Variants in BARD1 observed in about 807,000 individuals in gnomAD.
BARD1 encodes BRCA1 associated RING domain 1.
A neutral mutation model predicts 77.0 loss-of-function variants in BARD1; 73 were observed. The ratio of observed to expected loss-of-function variants is 0.95; its 90% CI spans 0.79 to 1.15. The LOEUF (loss-of-function observed/expected upper bound fraction) is 1.15. Among genes scored for constraint, BARD1 ranks in the 50% most tolerant of loss-of-function variants. The pLI is 0.00. For missense variants in BARD1, 993 were observed against 938.8 expected (o/e 1.06, Z -0.75); for synonymous variants, 384 against 338.0 (o/e 1.14, Z -1.49).
rs1253446062 is a variant in BARD1, at chr2:214,728,036, A to C, written c.*640T>G. ...TACCATGAGCCTAGTGTTGATTTTT[A>C]CCACACACACAAAAAAACCAATGTT... On this transcript the variant is annotated 3_prime_UTR_variant, in exon 11 of 11. Transcript: ENST00000260947. 4.5e-6 allele frequency: 1 copy of C among 224,640 alleles called. No individual in the cohort carries two copies. The highest frequency in any genetic ancestry group is 8.9e-6 in the Non-Finnish European group (1 of 112,808). 13.9% of individuals were successfully genotyped at this position (224,640 alleles called of 1,614,324 possible). A position where few individuals can be genotyped will look rare whatever the true frequency, so the allele number is the denominator to read the frequency against.
chr2:214,749,677 C>A (rs1366636936), intron 7 of BARD1, among the ~76,000 whole-genome samples: 1 of 151,964 alleles, frequency 6.6e-6, no homozygotes, highest in Non-Finnish European at 1.5e-5. Flanking sequence ...ATGAAGAAAA[C>A]AAGTCAATTT....
intron 6 of BARD1, among the ~76,000 whole-genome samples, chr2:214,755,283 T>C (rs1332393900): frequency 7.9e-5 from 12 of 152,184 alleles, no homozygotes; most frequent in Admixed American, 7.9e-4. Flanking sequence ...TACTACATCA[T>C]GGACTCAAAA....
chr2:214,795,224 T>C (rs979302292), intron 2 of BARD1, among the ~76,000 whole-genome samples: 1 of 152,158 alleles, frequency 6.6e-6, no homozygotes, highest in Non-Finnish European at 1.5e-5. Context: ...TCAGCTGATA[T>C]ATAACTGGTA....
rs1692165230 is a variant in BARD1, at chr2:214,728,235, T to A, written c.*441A>T. On this transcript the variant is annotated 3_prime_UTR_variant, in exon 11 of 11. Coordinates refer to ENST00000260947, the MANE Select transcript of BARD1 (RefSeq NM_000465.4). ...GTGGCACATTTAGACCAAATACTCT[T>A]TTTTCAATAAAGCCAAAATAAATTG... 1 of 240,014 alleles carries A rather than the reference T, an allele frequency of 4.2e-6. No individual in the cohort carries two copies. Among genetic ancestry groups the A allele is most frequent in the South Asian group, 1.5e-4 (1 of 6,600 alleles). 14.9% of individuals were successfully genotyped at this position (240,014 alleles called of 1,614,324 possible).
Position 214,809,498 on chromosome 2 carries a change from G to A in BARD1, c.72C>T (p.Pro24=). 6.2e-7 allele frequency: 1 copy of A among 1,606,350 alleles called. No individual in the cohort carries two copies. Among genetic ancestry groups the A allele is most frequent in the Non-Finnish European group, 8.5e-7 (1 of 1,177,708 alleles). ...IRSGNEPRSA[P]AMEPDGRGAW... is the part of the protein sequence containing the mutation. ...CACCGCGACCATCCGGTTCCATGGC[G>A]GGCGCGGAACGAGGCTCGTTCCCGG... Residue 24 remains proline, a synonymous_variant, in exon 1 of 11, where the codon CCC becomes CCT. Coordinates refer to ENST00000260947, the MANE Select transcript of BARD1 (RefSeq NM_000465.4).
rs561989976 is a variant in BARD1, at chr2:214,754,763, C to T, written c.1569-2208G>A. On this transcript the variant is annotated intron_variant, in intron 6 of 10. Coordinates refer to ENST00000260947, the MANE Select transcript of BARD1 (RefSeq NM_000465.4). The stretch of plus-strand genomic sequence containing the variant: ...GGATGGCTTCTGCTCACACACAATT[C>T]ACTAAACTCTTAGCCCTCCTGTAAC... 3.3e-5 allele frequency among the ~76,000 whole-genome samples: 5 copies of T among 152,232 alleles called. 1 individual carries two copies. The highest frequency in any genetic ancestry group is 3.3e-4 in the Admixed American group (5 of 15,276).
rs530494743 is a variant in BARD1 at position 214,752,814 on chromosome 2, A to G, written c.1569-259T>C. On this transcript the variant is annotated intron_variant, in intron 6 of 10. Transcript: ENST00000260947. ...ACAACTGTATTCTGCATTCTTATTC[A>G]TATTAAAATATGGCTTCATAATCAC... 1.5e-3 allele frequency among the ~76,000 whole-genome samples: 222 copies of G among 152,242 alleles called. 1 individual carries two copies. The highest frequency in any genetic ancestry group is 5.2e-3 in the African/African-American group (215 of 41,564).
intron 7 of BARD1, among the ~76,000 whole-genome samples, chr2:214,751,266 T>A (rs1693438882): frequency 1.4e-5 from 2 of 146,188 alleles, no homozygotes; most frequent in South Asian, 4.7e-4. Flanking sequence ...CAATCAATTA[T>A]CGTGCCTCAG....
At chr2:214,744,408 ATT>A (rs1356265281) in intron 9 of BARD1, among the ~76,000 whole-genome samples, 1 of 152,222 alleles carries the variant, frequency 6.6e-6, no homozygotes, top group African/African-American at 2.4e-5. Context: ...AATTGCTTTC[ATT>A]TCACAGACAT....
intron 6 of BARD1, 67 bp downstream of exon 6, chr2:214,767,415 T>G: frequency 2.7e-6 from 4 of 1,507,578 alleles, no homozygotes; most frequent in Non-Finnish European, 3.7e-6. Flanking sequence ...AAAGTCTGCT[T>G]TATCACACAC....
chr2:214,778,755 A>C lies in BARD1; in HGVS notation c.1314+1805T>G, dbSNP rs901454909. 2.0e-5 allele frequency among the ~76,000 whole-genome samples: 3 copies of C among 152,290 alleles called. No homozygotes were observed. The East Asian group carries it at 5.8e-4, about 29-fold the overall frequency. ...GAGATTTCATGGCCTGCAAAGCTGA[A>C]AACATTTACTCTAACTGCACCTTTA... is the stretch of plus-strand genomic sequence containing the variant. On this transcript the variant is annotated intron_variant, in intron 4 of 10. Transcript: ENST00000260947.
chr2:214,749,360 AG>A (rs150282962), intron 7 of BARD1, among the ~76,000 whole-genome samples: 184 of 152,290 alleles, frequency 1.2e-3, no homozygotes, highest in African/African-American at 4.0e-3. Flanking sequence ...CTGCACATTA[AG>A]AAACTACCCT....
chr2:214,784,952 C>T (rs1695203381), intron 3 of BARD1, among the ~76,000 whole-genome samples: 1 of 151,646 alleles, frequency 6.6e-6, no homozygotes, highest in Non-Finnish European at 1.5e-5. Context: ...GTGCAGCAAA[C>T]CACCACGGCA....
intron 4 of BARD1, among the ~76,000 whole-genome samples, chr2:214,771,943 A>AAAAAAAAAAAG (rs59814038): frequency 2.8e-5 from 4 of 143,336 alleles, no homozygotes; most frequent in African/African-American, 8.2e-5. Flanking sequence ...AAAAAAAAAA[A>AAAAAAAAAAAG]GCAACATTTT....
chr2:214,734,874 C>A (rs796107031), intron 9 of BARD1, among the ~76,000 whole-genome samples: 2 of 152,134 alleles, frequency 1.3e-5, no homozygotes, highest in South Asian at 2.1e-4. Context: ...TCCCCAAATC[C>A]AGCAAGAGTA....
chr2:214,765,443 A>G (rs1219850445), intron 6 of BARD1, among the ~76,000 whole-genome samples: 3 of 152,194 alleles, frequency 2.0e-5, no homozygotes, highest in Non-Finnish European at 4.4e-5. Flanking sequence ...GAAATGCAGC[A>G]GGCATCACCC....
chr2:214,737,154 T>C (rs1463574546), intron 9 of BARD1, among the ~76,000 whole-genome samples: 1 of 152,070 alleles, frequency 6.6e-6, no homozygotes, highest in Non-Finnish European at 1.5e-5. Flanking sequence ...ATTACATAAA[T>C]GTGTGAAGAA....
intron 6 of BARD1, among the ~76,000 whole-genome samples, chr2:214,761,980 C>T (rs972306946): frequency 2.6e-5 from 4 of 152,116 alleles, no homozygotes; most frequent in African/African-American, 9.7e-5. Context: ...CAACAGCTCT[C>T]CTATATATCA....
intron 4 of BARD1, 99 bp from the exon 5 acceptor site, chr2:214,769,411 T>A: frequency 1.0e-6 from 1 of 954,502 alleles, no homozygotes; most frequent in Non-Finnish European, 1.7e-6. Flanking sequence ...AAAGTAAAAC[T>A]TAAATCGTTT....
Sources: allele counts gnomAD v4.1 joint callset (sites outside exome capture counted in the v4.1 genomes callset), GRCh38; gene constraint gnomAD v4.1.1; transcripts MANE v1.5; gene names NCBI Gene and HGNC (gene_info 2026-07-23, HGNC 2026-07-21).